Variants in KCNQ3 observed in about 807,000 individuals in gnomAD.
The protein encoded by KCNQ3 is potassium voltage-gated channel subfamily KQT member 3.
A neutral mutation model predicts 92.5 loss-of-function variants in KCNQ3; 30 were observed. The ratio of observed to expected loss-of-function variants is 0.32; its 90% CI spans 0.24 to 0.44. KCNQ3 has a LOEUF of 0.44. KCNQ3 is among the 20% of genes least tolerant of loss of function. KCNQ3 has a pLI of 1.00. For synonymous variants in KCNQ3, 450 were observed against 468.8 expected (o/e 0.96, Z 0.52); for missense variants, 913 against 1,140.3 (o/e 0.80, Z 2.87).
chr8:132,360,885 A>C (rs1490656780), intron 1 of KCNQ3, among the ~76,000 whole-genome samples: 1 of 152,172 alleles, frequency 6.6e-6, no homozygotes, highest in Non-Finnish European at 1.5e-5. Flanking sequence ...TTTTTTATAA[A>C]AATGGAGGAA....
chr8:132,480,470 TCCGCCGCCC>T lies in KCNQ3; in HGVS notation c.54_62del (p.Gly22_Gly24del). The stretch of plus-strand genomic sequence containing the variant: ...CGGCTGGGTTAGCCGCCCCGCCGCC[TCCGCCGCCC>T]CCGTCGCCGCCGCCGCCAGCCGCCC... On this transcript the variant is annotated inframe_deletion, in exon 1 of 15. Transcript: ENST00000388996. The T allele has an allele frequency of 4.0e-6, 5 of 1,243,790 alleles. No individual in the cohort carries two copies. Among genetic ancestry groups the T allele is most frequent in the Non-Finnish European group, 5.0e-6 (5 of 999,746 alleles). The allele number at this position is 1,243,790 out of a possible 1,614,324, so 77.0% of individuals were successfully genotyped here.
chr8:132,235,448 C>T (rs1234119358), intron 1 of KCNQ3, among the ~76,000 whole-genome samples: 1 of 152,124 alleles, frequency 6.6e-6, no homozygotes, highest in Non-Finnish European at 1.5e-5. Context: ...TTGCAGTGAG[C>T]TGAGATCACA....
chr8:132,476,613 C>T (rs1445062627), intron 1 of KCNQ3, among the ~76,000 whole-genome samples: 2 of 152,210 alleles, frequency 1.3e-5, no homozygotes, highest in African/African-American at 2.4e-5. Flanking sequence ...CAATTTCTCC[C>T]GTTTGCAATG....
chr8:132,194,274 C>G (rs1827244682), intron 1 of KCNQ3, among the ~76,000 whole-genome samples: 1 of 152,222 alleles, frequency 6.6e-6, no homozygotes, highest in Admixed American at 6.5e-5. Flanking sequence ...CATTACTGAT[C>G]TTCGATCTTA....
intron 1 of KCNQ3, among the ~76,000 whole-genome samples, chr8:132,311,790 G>C (rs568080027): frequency 6.6e-6 from 1 of 152,126 alleles, no homozygotes; most frequent in African/African-American, 2.4e-5. Context: ...ACCAGGCAGA[G>C]AGGTGCTGAG....
rs760918194 is a variant in KCNQ3 at position 132,140,153 on chromosome 8, C to T, written c.1491G>A (p.Ala497=). 8.7e-6 allele frequency: 14 copies of T among 1,613,272 alleles called. No individual in the cohort carries two copies. Among genetic ancestry groups the T allele is most frequent in the Admixed American group, 1.7e-5 (1 of 59,966 alleles). ...SEDAGTGDPM[A]EDRGYGNDFP... ...AGTCATTCCCATAGCCCCTGTCTTC[C>T]GCCATGGGGTCACCTGTCCCGGCAT... The change falls in exon 11 of 15, where the codon GCG becomes GCA. Residue 497 remains alanine, a synonymous_variant. Transcript: ENST00000388996.
intron 1 of KCNQ3, among the ~76,000 whole-genome samples, chr8:132,240,551 T>A (rs1814963073): frequency 6.6e-6 from 1 of 152,310 alleles, no homozygotes; most frequent in Admixed American, 6.5e-5. Context: ...TGTGTAGTTA[T>A]CCTAGAAAAT....
chr8:132,250,183 G>A (rs373510902), intron 1 of KCNQ3, among the ~76,000 whole-genome samples: 27 of 152,316 alleles, frequency 1.8e-4, no homozygotes, highest in African/African-American at 4.8e-4. Flanking sequence ...GAGCGCGAGC[G>A]AGGGTCACCA....
At chr8:132,361,134 C>T (rs1819156159) in intron 1 of KCNQ3, among the ~76,000 whole-genome samples, 1 of 152,216 alleles carries the variant, frequency 6.6e-6, no homozygotes, top group African/African-American at 2.4e-5. Context: ...AATGAGGTTA[C>T]TGAGCTAAGG....
At chr8:132,305,276 A>G (rs779950317) in intron 1 of KCNQ3, among the ~76,000 whole-genome samples, 3 of 152,244 alleles carry the variant, frequency 2.0e-5, no homozygotes, top group Non-Finnish European at 4.4e-5. Context: ...CCCAGCTAAT[A>G]CTACAAATTG....
At position 132,186,114 on chromosome 8, in the gene KCNQ3, A is replaced by T; in HGVS notation, c.454T>A (p.Ser152Thr). ...LTTFKEYETV[S>T]GDWLLLLETF... is the part of the protein sequence containing the mutation. The stretch of plus-strand genomic sequence containing the variant: ...ACCAGTAACAGAAGCCAGTCTCCCG[A>T]GACAGTCTCATACTCCTTGAATGTG... Residue 152 changes from serine (S) to threonine (T), a missense_variant, in exon 2 of 15, where the codon TCG (serine) becomes ACG (threonine). Ser to Thr is a moderately conservative substitution (Grantham distance 58). Transcript: ENST00000388996. The T allele has an allele frequency of 6.2e-7, 1 of 1,613,708 alleles. No homozygotes were observed.
chr8:132,462,725 G>T (rs1274615597), intron 1 of KCNQ3, among the ~76,000 whole-genome samples: 1 of 152,128 alleles, frequency 6.6e-6, no homozygotes, highest in Non-Finnish European at 1.5e-5. Flanking sequence ...TAAAACAGGG[G>T]CCAATTATAC....
intron 1 of KCNQ3, among the ~76,000 whole-genome samples, chr8:132,400,005 A>C (rs956067975): frequency 1.3e-5 from 2 of 152,102 alleles, no homozygotes; most frequent in African/African-American, 4.8e-5. Context: ...TGCCCATGAC[A>C]AGGAAGGGGT....
intron 1 of KCNQ3, among the ~76,000 whole-genome samples, chr8:132,195,446 G>A (rs576905059): frequency 6.6e-6 from 1 of 152,304 alleles, no homozygotes; most frequent in South Asian, 2.1e-4. Flanking sequence ...TGTCCCCTTA[G>A]GGGGCCTTCA....
chr8:132,186,929 T>TGAGGGAGA (rs752305044), intron 1 of KCNQ3, among the ~76,000 whole-genome samples: 2 of 98,534 alleles, frequency 2.0e-5, no homozygotes, highest in African/African-American at 8.4e-5. Context: ...TGTGTGTGTG[T>TGAGGGAGA]GTGTGAGAGA....
intron 1 of KCNQ3, among the ~76,000 whole-genome samples, chr8:132,456,464 GGT>G (rs34858367): frequency 1.9e-4 from 28 of 149,404 alleles, no homozygotes; most frequent in Non-Finnish European, 3.3e-4. Context: ...GGGGATTGAG[GGT>G]GTGTGTGTGT....
At chr8:132,170,561 A>C (rs1032970876) in intron 7 of KCNQ3, 133 bp from the exon 8 acceptor site, 2 of 669,226 alleles carry the variant, frequency 3.0e-6, no homozygotes, top group African/African-American at 3.6e-5. Context: ...CAACATTCAG[A>C]AAAACCGAGA....
At chr8:132,184,687 G>A (rs1035742827) in intron 2 of KCNQ3, among the ~76,000 whole-genome samples, 2 of 152,138 alleles carry the variant, frequency 1.3e-5, no homozygotes, top group Non-Finnish European at 2.9e-5. Flanking sequence ...TTTAATGAAT[G>A]AAAAGCCCCC....
At chr8:132,294,000 G>GGTT (rs755795552) in intron 1 of KCNQ3, among the ~76,000 whole-genome samples, 15 of 124,192 alleles carry the variant, frequency 1.2e-4, no homozygotes, top group Admixed American at 1.0e-3. Flanking sequence ...TGTGTGTGTG[G>GGTT]TTTTTTTTTT....
Sources: allele counts gnomAD v4.1 joint callset (sites outside exome capture counted in the v4.1 genomes callset), GRCh38; gene constraint gnomAD v4.1.1; transcripts MANE v1.5; gene names NCBI Gene and HGNC (gene_info 2026-07-23, HGNC 2026-07-21).